The following NRG3 variants were observed in gnomAD, a reference collection of about 807,000 sequenced individuals.
NRG3 encodes the protein pro-neuregulin-3, membrane-bound isoform.
Under a neutral mutation model 66.9 loss-of-function variants are expected in NRG3, and 31 were observed. The ratio of observed to expected loss-of-function variants is 0.46; its 90% CI spans 0.35 to 0.63. The LOEUF (loss-of-function observed/expected upper bound fraction) is 0.63. Among genes scored for constraint, NRG3 ranks in the 20% least tolerant of loss-of-function variants. The pLI, the probability that NRG3 is intolerant of heterozygous loss-of-function variation, is 0.00. For synonymous variants in NRG3, 393 were observed against 359.4 expected, an observed-to-expected ratio of 1.09 and a Z score of -1.06; for missense variants, 910 against 878.9, an observed-to-expected ratio of 1.04 and a Z score of -0.45.
chr10:81,963,788 A>G (rs1254393797), intron 1 of NRG3, among the ~76,000 whole-genome samples: 2 of 152,164 alleles, frequency 1.3e-5, no homozygotes, highest in Non-Finnish European at 2.9e-5. Flanking sequence ...TGGTGGAGTT[A>G]CATGCTTTGT....
chr10:82,587,160 T>C (rs1405523642), intron 2 of NRG3, among the ~76,000 whole-genome samples: 1 of 152,178 alleles, frequency 6.6e-6, no homozygotes, highest in Non-Finnish European at 1.5e-5. Flanking sequence ...ACATGACCTA[T>C]AGTATTACAA....
chr10:81,895,857 TA>T (rs1378502048), intron 1 of NRG3, among the ~76,000 whole-genome samples: 3 of 152,146 alleles, frequency 2.0e-5, no homozygotes, highest in African/African-American at 4.8e-5. Flanking sequence ...AACCATCTTA[TA>T]AACCAAGGTG....
At chr10:82,236,643 C>T (rs1016267585) in intron 1 of NRG3, among the ~76,000 whole-genome samples, 23 of 151,852 alleles carry the variant, frequency 1.5e-4, no homozygotes, top group Admixed American at 1.4e-3. Context: ...ATTTTATTTT[C>T]CCTGGTCTGA....
intron 7 of NRG3, among the ~76,000 whole-genome samples, chr10:82,974,637 G>T (rs959702218): frequency 6.6e-6 from 1 of 152,126 alleles, no homozygotes; most frequent in African/African-American, 2.4e-5. Context: ...GAAGTTGTCC[G>T]AAGACTTAAG....
At chr10:82,399,154 T>C (rs1289916291) in intron 2 of NRG3, among the ~76,000 whole-genome samples, 1 of 152,164 alleles carries the variant, frequency 6.6e-6, no homozygotes, top group African/African-American at 2.4e-5. Flanking sequence ...AATTAACAAA[T>C]ATTTTTCATT....
intron 1 of NRG3, among the ~76,000 whole-genome samples, chr10:82,082,506 A>AT (rs2065452395): frequency 6.6e-6 from 1 of 152,170 alleles, no homozygotes; most frequent in Non-Finnish European, 1.5e-5. Flanking sequence ...TTTGCGGTTC[A>AT]TAACAGGGTT....
intron 2 of NRG3, among the ~76,000 whole-genome samples, chr10:82,634,858 G>C (rs938770485): frequency 6.6e-6 from 1 of 152,132 alleles, no homozygotes. Context: ...ATAAATTGTA[G>C]GGGTAGAAGA....
chr10:82,870,963 G>A (rs1591788807), intron 4 of NRG3, among the ~76,000 whole-genome samples: 1 of 152,158 alleles, frequency 6.6e-6, no homozygotes, highest in Non-Finnish European at 1.5e-5. Context: ...TATGTATTGT[G>A]CCTTTAACAC....
intron 1 of NRG3, among the ~76,000 whole-genome samples, chr10:82,028,863 A>T (rs755931493): frequency 9.9e-5 from 15 of 152,078 alleles, no homozygotes; most frequent in Non-Finnish European, 1.8e-4. Flanking sequence ...ATACTTTCAT[A>T]ACTGCTGAGA....
chr10:82,836,169 A>G (rs552818713), intron 3 of NRG3, among the ~76,000 whole-genome samples: 101 of 152,274 alleles, frequency 6.6e-4, no homozygotes, highest in African/African-American at 2.4e-3. Context: ...CCTATTGTCT[A>G]TGGTGGCTTT....
At chr10:82,380,489 G>A (rs529469596) in intron 2 of NRG3, among the ~76,000 whole-genome samples, 5 of 152,038 alleles carry the variant, frequency 3.3e-5, no homozygotes, top group African/African-American at 7.2e-5. Context: ...AATGTCAAAC[G>A]CAGCAATCCA....
intron 2 of NRG3, among the ~76,000 whole-genome samples, chr10:82,371,321 G>C (rs1227647805): frequency 6.6e-6 from 1 of 152,102 alleles, no homozygotes; most frequent in Non-Finnish European, 1.5e-5. Flanking sequence ...CATTACACCT[G>C]GTTTGGGGAA....
At chr10:82,187,093 A>G (rs1391297554) in intron 1 of NRG3, among the ~76,000 whole-genome samples, 1 of 152,192 alleles carries the variant, frequency 6.6e-6, no homozygotes, top group Non-Finnish European at 1.5e-5. Flanking sequence ...TCATATATTT[A>G]GTTTAATGCA....
At chr10:82,869,567 A>ATTTTAT (rs1554831135) in intron 4 of NRG3, among the ~76,000 whole-genome samples, 2 of 113,080 alleles carry the variant, frequency 1.8e-5, no homozygotes, top group African/African-American at 7.1e-5. Flanking sequence ...GGTCTTTTTT[A>ATTTTAT]TTTATTTTAT....
intron 1 of NRG3, among the ~76,000 whole-genome samples, chr10:82,053,730 CA>C (rs1419563678): frequency 1.3e-5 from 2 of 152,102 alleles, no homozygotes; most frequent in African/African-American, 4.8e-5. Flanking sequence ...GTGAAATAAA[CA>C]TTTTTTTTGT....
At chr10:82,947,728 G>A (rs988010173) in intron 4 of NRG3, among the ~76,000 whole-genome samples, 3 of 151,952 alleles carry the variant, frequency 2.0e-5, no homozygotes, top group African/African-American at 7.2e-5. Flanking sequence ...GATATCTTTG[G>A]GGAAGTGTCT....
chr10:82,014,675 G>A (rs904235713), intron 1 of NRG3, among the ~76,000 whole-genome samples: 1 of 152,152 alleles, frequency 6.6e-6, no homozygotes, highest in African/African-American at 2.4e-5. Flanking sequence ...AGGCACAAGT[G>A]TTTGAATGGG....
chr10:82,219,559 C>A lies in NRG3; in HGVS notation c.824-139180C>A, dbSNP rs181276506. Among the ~76,000 whole-genome samples, 309 of 152,102 alleles carry A rather than the reference C, an allele frequency of 2.0e-3. 1 individual carries two copies. The highest frequency in any genetic ancestry group is 7.2e-3 in the African/African-American group (300 of 41,498). ...GGCCCTCAATATATATTTGTTAATT[C>A]TATTTCTTCAGTTTCTCTAGATGCT... On this transcript the variant is annotated intron_variant, in intron 1 of 8. Transcript: ENST00000372141.
intron 2 of NRG3, among the ~76,000 whole-genome samples, chr10:82,611,062 T>G (rs552377167): frequency 1.4e-4 from 21 of 152,054 alleles, no homozygotes; most frequent in African/African-American, 4.8e-4. Flanking sequence ...TACTTTAAAT[T>G]CTCACTGATT....
Sources: allele counts gnomAD v4.1 joint callset (sites outside exome capture counted in the v4.1 genomes callset), GRCh38; gene constraint gnomAD v4.1.1; transcripts MANE v1.5; gene names NCBI Gene and HGNC (gene_info 2026-07-23, HGNC 2026-07-21).